Variants in ST6GALNAC5 observed in about 807,000 individuals in gnomAD.
ST6GALNAC5 encodes the protein ST6 N-acetylgalactosaminide alpha-2,6-sialyltransferase 5.
In ST6GALNAC5, 27 loss-of-function variants were observed where a neutral mutation model predicts 33.6. The observed-to-expected ratio is 0.80, with a 90% CI of 0.59 to 1.11. ST6GALNAC5 has a LOEUF of 1.11. ST6GALNAC5 is among the 50% of genes least tolerant of loss of function. ST6GALNAC5 has a pLI of 0.00. For synonymous variants in ST6GALNAC5, 194 were observed against 171.2 expected (o/e 1.13, Z -1.04); for missense variants, 428 against 454.0 (o/e 0.94, Z 0.52).
Position 76,912,109 on chromosome 1 carries a change from AT to A in ST6GALNAC5, c.261+43369del, listed in dbSNP as rs1339653771. The stretch of plus-strand genomic sequence containing the variant: ...ACACTGTTTTGAATGTGTCCCAGAG[AT>A]TCTGGTATGTTGTGTCTTTGTTCTC... On this transcript the variant is annotated intron_variant, in intron 2 of 4. Coordinates refer to ENST00000477717, the MANE Select transcript of ST6GALNAC5 (RefSeq NM_030965.3). Among the ~76,000 whole-genome samples, 21 of 151,938 alleles carry A rather than the reference AT, an allele frequency of 1.4e-4. No homozygotes were observed. In the East Asian group the frequency reaches 1.7e-3, roughly 13 times the overall value.
intron 3 of ST6GALNAC5, among the ~76,000 whole-genome samples, chr1:77,047,782 G>A (rs1652065464): frequency 6.6e-6 from 1 of 152,186 alleles, no homozygotes; most frequent in Non-Finnish European, 1.5e-5. Context: ...AGATTCTGGT[G>A]GAGCAGAAAG....
intron 2 of ST6GALNAC5, among the ~76,000 whole-genome samples, chr1:77,034,576 C>T (rs1165199061): frequency 6.6e-6 from 1 of 152,194 alleles, no homozygotes; most frequent in African/African-American, 2.4e-5. Flanking sequence ...AGTAGCCCCC[C>T]ATGGCCCAGC....
rs61785569 is a variant in ST6GALNAC5 at position 76,912,094 on chromosome 1, G to A, written c.261+43352G>A. On this transcript the variant is annotated intron_variant, in intron 2 of 4. Coordinates refer to ENST00000477717, the MANE Select transcript of ST6GALNAC5 (RefSeq NM_030965.3). Reference sequence around the variant, plus strand: ...TAAATTTCCCTCTACACACTGTTTTGAATGTGTCCCAGAGATTCTGGTATG... The same window carrying A: ...TAAATTTCCCTCTACACACTGTTTTAAATGTGTCCCAGAGATTCTGGTATG... Among the ~76,000 whole-genome samples the A allele has an allele frequency of 3.9e-3, 588 of 152,036 alleles. 4 individuals are homozygous for A. Among genetic ancestry groups the A allele is most frequent in the Admixed American group, 7.8e-3 (119 of 15,246 alleles).
At chr1:77,050,189 G>T in intron 3 of ST6GALNAC5, 69 bp from the exon 4 acceptor site, 2 of 1,320,740 alleles carry the variant, frequency 1.5e-6, no homozygotes, top group Non-Finnish European at 2.2e-6. Flanking sequence ...CTCTAGGAAA[G>T]AATTAAAGAT....
intron 2 of ST6GALNAC5, among the ~76,000 whole-genome samples, chr1:76,948,660 A>T (rs1424824981): frequency 5.9e-5 from 9 of 151,486 alleles, no homozygotes; most frequent in Non-Finnish European, 1.3e-4. Context: ...TTATATTTGG[A>T]ATAAGTAAGA....
At chr1:76,968,697 A>G (rs1347429031) in intron 2 of ST6GALNAC5, among the ~76,000 whole-genome samples, 1 of 152,184 alleles carries the variant, frequency 6.6e-6, no homozygotes, top group Admixed American at 6.6e-5. Flanking sequence ...ACAATTTGGC[A>G]TGTTTTTGCA....
At chr1:76,975,923 C>T (rs1393013417) in intron 2 of ST6GALNAC5, among the ~76,000 whole-genome samples, 1 of 151,846 alleles carries the variant, frequency 6.6e-6, no homozygotes, top group African/African-American at 2.4e-5. Flanking sequence ...GGTGAAACCC[C>T]ATCTCTACTA....
chr1:77,054,180 G>A (rs1652316561), intron 4 of ST6GALNAC5, among the ~76,000 whole-genome samples: 1 of 152,184 alleles, frequency 6.6e-6, no homozygotes, highest in South Asian at 2.1e-4. Context: ...TAAATCATGA[G>A]GTACAGAAGG....
intron 2 of ST6GALNAC5, among the ~76,000 whole-genome samples, chr1:76,897,758 G>A (rs1370561074): frequency 6.6e-6 from 1 of 151,924 alleles, no homozygotes; most frequent in Admixed American, 6.5e-5. Context: ...AGGGAACTGG[G>A]CAGGTGGGGA....
chr1:76,894,464 G>A lies in ST6GALNAC5; in HGVS notation c.261+25722G>A, dbSNP rs192708104. Among the ~76,000 whole-genome samples, 745 of 151,584 alleles carry A rather than the reference G, an allele frequency of 4.9e-3. 5 individuals carry two copies. The highest frequency in any genetic ancestry group is 0.01 in the Middle Eastern group (3 of 294). On this transcript the variant is annotated intron_variant, in intron 2 of 4. Coordinates refer to ENST00000477717, the MANE Select transcript of ST6GALNAC5 (RefSeq NM_030965.3). The stretch of plus-strand genomic sequence containing the variant: ...GTCAGGTAGCATGGGAGGTTGGAGC[G>A]CAGGAAGAGGCAGGGGGGGGATCTT...
At chr1:77,000,296 G>T (rs1382838493) in intron 2 of ST6GALNAC5, among the ~76,000 whole-genome samples, 1 of 121,172 alleles carries the variant, frequency 8.3e-6, no homozygotes, top group Non-Finnish European at 1.9e-5. Flanking sequence ...CTTCTTTTGA[G>T]AAGTGTCTGT....
chr1:76,961,002 G>C (rs1034770910), intron 2 of ST6GALNAC5, among the ~76,000 whole-genome samples: 12 of 152,150 alleles, frequency 7.9e-5, no homozygotes, highest in African/African-American at 2.7e-4. Context: ...GCAGGCATAG[G>C]AAATCACAAG....
chr1:76,927,928 T>G (rs1008211476), intron 2 of ST6GALNAC5, among the ~76,000 whole-genome samples: 10 of 152,198 alleles, frequency 6.6e-5, no homozygotes, highest in South Asian at 4.1e-4. Flanking sequence ...CATGCCATTA[T>G]TAATGCTGCT....
At chr1:77,031,992 G>C (rs946592400) in intron 2 of ST6GALNAC5, among the ~76,000 whole-genome samples, 3 of 152,238 alleles carry the variant, frequency 2.0e-5, no homozygotes, top group South Asian at 4.1e-4. Context: ...GTGATGCTTT[G>C]AATGGGAGAT....
chr1:76,876,425 C>T (rs1350256788), intron 2 of ST6GALNAC5, among the ~76,000 whole-genome samples: 3 of 152,210 alleles, frequency 2.0e-5, no homozygotes, highest in African/African-American at 7.2e-5. Context: ...GTTGTGTCCA[C>T]AGAATAGATC....
chr1:76,986,141 G>A (rs529801960), intron 2 of ST6GALNAC5, among the ~76,000 whole-genome samples: 120 of 151,034 alleles, frequency 7.9e-4, no homozygotes, highest in African/African-American at 2.8e-3. Flanking sequence ...GGTAACAAAA[G>A]CCAAAAGCCA....
At chr1:76,921,318 C>T (rs961795732) in intron 2 of ST6GALNAC5, among the ~76,000 whole-genome samples, 3 of 152,052 alleles carry the variant, frequency 2.0e-5, no homozygotes, top group Non-Finnish European at 4.4e-5. Context: ...TGAAAAGGGG[C>T]TCTTCTTTTC....
chr1:76,870,062 T>G (rs1278099438), intron 2 of ST6GALNAC5, among the ~76,000 whole-genome samples: 1 of 152,184 alleles, frequency 6.6e-6, no homozygotes, highest in Non-Finnish European at 1.5e-5. Flanking sequence ...ATTATTTATT[T>G]ATTTATTTAT....
chr1:76,911,341 T>A (rs567183191), intron 2 of ST6GALNAC5, among the ~76,000 whole-genome samples: 41 of 152,272 alleles, frequency 2.7e-4, no homozygotes, highest in South Asian at 1.5e-3. Context: ...TGGATTTGGT[T>A]TGCCAGTATT....
Sources: allele counts gnomAD v4.1 joint callset (sites outside exome capture counted in the v4.1 genomes callset), GRCh38; gene constraint gnomAD v4.1.1; transcripts MANE v1.5; gene names NCBI Gene and HGNC (gene_info 2026-07-23, HGNC 2026-07-21).